Variants in RARB observed in about 807,000 individuals in gnomAD.
The protein encoded by RARB is HBV-activated protein.
In RARB, 17 loss-of-function variants were observed where a neutral mutation model predicts 51.9. The observed-to-expected ratio is 0.33, with a 90% CI of 0.22 to 0.49. The LOEUF (loss-of-function observed/expected upper bound fraction) is 0.49, where lower values mean the gene tolerates loss of function less well. Among genes scored for constraint, RARB ranks in the 20% least tolerant of loss-of-function variants. The pLI is 0.99. For missense variants in RARB, 369 were observed against 550.8 expected, an observed-to-expected ratio of 0.67 and a Z score of 3.30; for synonymous variants, 215 against 195.4, an observed-to-expected ratio of 1.10 and a Z score of -0.84.
In RARB at chr3:25,157,315, T is replaced by G. The variant is rs551892903; in HGVS notation, c.-279-16804T>G. Among the ~76,000 whole-genome samples the G allele has an allele frequency of 2.0e-5, 3 of 151,510 alleles. No individual in the cohort carries two copies. In the South Asian group the frequency reaches 6.3e-4, roughly 32 times the overall value. On this transcript the variant is annotated intron_variant, in intron 4 of 11. Coordinates refer to the RARB transcript ENST00000383772. ...AACAATATTAACAATAATTAGTGCT[T>G]CCTTAGTGCGAGGCACAGTTCTGAG... is the stretch of plus-strand genomic sequence containing the variant.
At chr3:24,951,168 C>T (rs1356851990) in intron 2 of RARB, among the ~76,000 whole-genome samples, 1 of 152,108 alleles carries the variant, frequency 6.6e-6, no homozygotes, top group Non-Finnish European at 1.5e-5. Flanking sequence ...CACACTCTTA[C>T]CACTCAAGGA....
At chr3:24,937,931 TGAG>T (rs953219197) in intron 2 of RARB, among the ~76,000 whole-genome samples, 75 of 152,174 alleles carry the variant, frequency 4.9e-4, no homozygotes, top group African/African-American at 1.7e-3. Flanking sequence ...GAGCTAAATC[TGAG>T]GAGACCGCAC....
intron 5 of RARB, among the ~76,000 whole-genome samples, chr3:25,420,462 C>A (rs980822169): frequency 6.6e-6 from 1 of 152,192 alleles, no homozygotes; most frequent in South Asian, 2.1e-4. Flanking sequence ...ATCTAAGGGG[C>A]TCTCTCCAGC....
chr3:24,919,916 A>G (rs1252771240), intron 2 of RARB, among the ~76,000 whole-genome samples: 1 of 152,202 alleles, frequency 6.6e-6, no homozygotes, highest in Admixed American at 6.5e-5. Flanking sequence ...GGCAAAATGA[A>G]GGTGTGTGGT....
rs1701892026 is a variant in RARB at position 25,597,431 on chromosome 3, A to G, written c.*815A>G. On this transcript the variant is annotated 3_prime_UTR_variant, in exon 8 of 8. Coordinates refer to ENST00000330688, the MANE Select transcript of RARB (RefSeq NM_000965.5). ...ACAGTTAGTTAAAAAAAATTTTTTT[A>G]CAGTAATGATAGCCTCCAAGGCAGA... 1 of 152,434 alleles carries G rather than the reference A, an allele frequency of 6.6e-6. No individual in the cohort carries two copies. The highest frequency in any genetic ancestry group is 1.5e-5 in the Non-Finnish European group (1 of 67,910). 9.4% of individuals were successfully genotyped at this position (152,434 alleles called of 1,614,324 possible). A position where few individuals can be genotyped will look rare whatever the true frequency, so the allele number is the denominator to read the frequency against.
At chr3:25,389,173 T>C (rs1706878426) in intron 5 of RARB, among the ~76,000 whole-genome samples, 2 of 152,152 alleles carry the variant, frequency 1.3e-5, no homozygotes, top group South Asian at 4.2e-4. Flanking sequence ...ATCTGTCCGT[T>C]TTCTTGATGG....
chr3:25,414,522 C>T (rs1435972427), intron 5 of RARB, among the ~76,000 whole-genome samples: 2 of 152,128 alleles, frequency 1.3e-5, no homozygotes, highest in East Asian at 1.9e-4. Context: ...ATATTTCTTG[C>T]AACAGTATAT....
At chr3:25,119,942 G>A (rs985869857) in intron 3 of RARB, among the ~76,000 whole-genome samples, 43 of 152,158 alleles carry the variant, frequency 2.8e-4, no homozygotes, top group African/African-American at 9.9e-4. Flanking sequence ...CTGGATGAAA[G>A]GAGAAGTGAT....
At chr3:24,966,097 A>T (rs1696247204) in intron 2 of RARB, among the ~76,000 whole-genome samples, 3 of 85,614 alleles carry the variant, frequency 3.5e-5, no homozygotes, top group South Asian at 3.6e-4. Flanking sequence ...TTATCTTTGA[A>T]TTTTTTTTTT....
At chr3:25,523,383 A>C (rs1255121814) in intron 3 of RARB, among the ~76,000 whole-genome samples, 1 of 152,228 alleles carries the variant, frequency 6.6e-6, no homozygotes, top group African/African-American at 2.4e-5. Context: ...ACCTCCAGGT[A>C]GTTTGATTTT....
intron 4 of RARB, among the ~76,000 whole-genome samples, chr3:25,137,659 A>T (rs962329774): frequency 2.0e-5 from 3 of 152,086 alleles, no homozygotes; most frequent in Non-Finnish European, 4.4e-5. Context: ...TTAATATCTT[A>T]GTGGAAGATT....
At chr3:25,427,880 A>AG (rs913814309), upstream of RARB, among the ~76,000 whole-genome samples, 6 of 151,202 alleles carry the variant, frequency 4.0e-5, no homozygotes, top group African/African-American at 1.5e-4. Flanking sequence ...CTGGGGGGCG[A>AG]GGCGGTGGGC....
At chr3:25,381,446 G>A (rs1341807300) in intron 5 of RARB, among the ~76,000 whole-genome samples, 1 of 152,194 alleles carries the variant, frequency 6.6e-6, no homozygotes, top group Non-Finnish European at 1.5e-5. Flanking sequence ...GATCACATTT[G>A]TCAAATAAAG....
intron 3 of RARB, among the ~76,000 whole-genome samples, chr3:25,061,567 A>T (rs1698550375): frequency 6.6e-6 from 1 of 151,696 alleles, no homozygotes; most frequent in Non-Finnish European, 1.5e-5. Flanking sequence ...GTACTTTAAG[A>T]TTTGAACACA....
chr3:25,530,487 C>G (rs894546452), intron 3 of RARB, among the ~76,000 whole-genome samples: 1 of 152,178 alleles, frequency 6.6e-6, no homozygotes, highest in African/African-American at 2.4e-5. Context: ...TTTGGAGGCT[C>G]TAGGGGAGAA....
At chr3:25,174,553 A>T (rs1350460384) in exon 5 of RARB, 10 of 1,351,940 alleles carry the variant, frequency 7.4e-6, no homozygotes, top group Non-Finnish European at 9.8e-6. Flanking sequence ...CTCCGAGTGG[A>T]TGCAGCACCC....
intron 4 of RARB, among the ~76,000 whole-genome samples, chr3:25,572,420 G>A (rs1461303479): frequency 5.9e-5 from 9 of 152,024 alleles, no homozygotes; most frequent in South Asian, 2.1e-4. Context: ...TTTGGGTTTC[G>A]TTGCCCTCAT....
chr3:25,440,531 G>A (rs564724769), intron 1 of RARB, among the ~76,000 whole-genome samples: 26 of 152,112 alleles, frequency 1.7e-4, no homozygotes, highest in African/African-American at 6.3e-4. Context: ...CCAGCACTTT[G>A]GGAGGCCGAG....
intron 3 of RARB, among the ~76,000 whole-genome samples, chr3:25,109,755 T>A (rs1699569297): frequency 6.6e-6 from 1 of 152,146 alleles, no homozygotes; most frequent in Non-Finnish European, 1.5e-5. Flanking sequence ...CAGCCATGCT[T>A]CTTCATTCAG....
Sources: gnomAD v4.1 joint callset for allele counts (sites outside exome capture counted in the v4.1 genomes callset) on GRCh38, gnomAD v4.1.1 for gene constraint, MANE v1.5 for transcripts, NCBI Gene and HGNC (gene_info 2026-07-23, HGNC 2026-07-21) for gene names.